The following DMD variants were observed in gnomAD, a reference collection of about 807,000 sequenced individuals.
The protein encoded by DMD is dystrophin.
DMD carries 63 observed loss-of-function variants against 330.1 expected under a neutral mutation model. The observed-to-expected ratio is 0.19, with a 90% CI of 0.16 to 0.24. The LOEUF (loss-of-function observed/expected upper bound fraction) is 0.24. Ranked by LOEUF, DMD falls within the 10% of genes least tolerant of loss-of-function variation. The pLI is 1.00. For missense variants in DMD, 3,344 were observed against 2,684.1 expected (o/e 1.25, Z -5.43); for synonymous variants, 1,223 against 959.8 (o/e 1.27, Z -5.07).
At chrX:31,563,838 T>A (rs955691439) in intron 55 of DMD, among the ~76,000 whole-genome samples, 1 of 112,127 alleles carries the variant, frequency 8.9e-6, no homozygotes, top group African/African-American at 3.2e-5. Context: ...TTCTTTGCTA[T>A]GGGTTGAATT....
At position 32,698,960 on chromosome X, in the gene DMD, G is replaced by GTC. The variant is rs10685376; in HGVS notation, c.831+150_831+151dup. ...AATGAAGCAAAATTGAAAAGGTTTA[G>GTC]TCTGTCTCTTTTTGTACATATACAT... On this transcript the variant is annotated intron_variant, in intron 8 of 78. Transcript: ENST00000357033. The GTC allele has an allele frequency of 0.063, 25,400 of 402,057 alleles. 4,116 individuals carry two copies. In the African/African-American group the frequency reaches 0.66, roughly 10 times the overall value. 33.1% of individuals were successfully genotyped at this position (402,057 alleles called of 1,213,427 possible). A position where few individuals can be genotyped will look rare whatever the true frequency, so the allele number is the denominator to read the frequency against.
chrX:32,783,973 C>G (rs2075126810), intron 7 of DMD, among the ~76,000 whole-genome samples: 1 of 92,502 alleles, frequency 1.1e-5, no homozygotes, highest in Non-Finnish European at 2.1e-5. Context: ...CTATTAATGT[C>G]AGTGCAGACA....
At chrX:32,864,450 C>T (rs759553538) in intron 2 of DMD, among the ~76,000 whole-genome samples, 3 of 112,288 alleles carry the variant, frequency 2.7e-5, no homozygotes, top group African/African-American at 6.5e-5. Flanking sequence ...GCCTTTACGT[C>T]ATCTTTTCTA....
At chrX:32,828,698 G>A (rs976064338) in intron 4 of DMD, among the ~76,000 whole-genome samples, 3 of 107,207 alleles carry the variant, frequency 2.8e-5, no homozygotes, top group Non-Finnish European at 5.7e-5. Context: ...TGTAATTTTA[G>A]TAGGTGTTTC....
chrX:32,031,419 A>C (rs781066397), intron 44 of DMD, among the ~76,000 whole-genome samples: 1 of 111,166 alleles, frequency 9.0e-6, no homozygotes, highest in South Asian at 3.8e-4. Flanking sequence ...TATATGCTTT[A>C]TTCCTAGAGC....
rs72466573 is a variant in DMD at position 31,496,563 on chromosome X, T to A, written c.8547+225A>T. Among the ~76,000 whole-genome samples, 216 of 112,206 alleles carry A rather than the reference T, an allele frequency of 1.9e-3. 2 individuals are homozygous for A. In the East Asian group the frequency reaches 0.058, roughly 30 times the overall value. The stretch of plus-strand genomic sequence containing the variant: ...TATTTTTCATCATGAAAAGCTTTTT[T>A]TTATATAGCCAAAAGAGATGGACGA... On this transcript the variant is annotated intron_variant, in intron 57 of 78. Coordinates refer to ENST00000357033, the MANE Select transcript of DMD (RefSeq NM_004006.3).
At chrX:31,713,676 C>G (rs1410226040) in intron 52 of DMD, among the ~76,000 whole-genome samples, 5 of 111,273 alleles carry the variant, frequency 4.5e-5, no homozygotes, top group African/African-American at 1.6e-4. Context: ...TATATTACTC[C>G]TATGACACAT....
chrX:32,497,557 C>G (rs1214656434), intron 19 of DMD, among the ~76,000 whole-genome samples: 1 of 111,681 alleles, frequency 9.0e-6, no homozygotes, highest in African/African-American at 3.2e-5. Flanking sequence ...CTGAGCTACG[C>G]CTACATATGT....
intron 1 of DMD, among the ~76,000 whole-genome samples, chrX:33,054,273 A>T (rs1395197459): frequency 8.9e-6 from 1 of 112,136 alleles, no homozygotes; most frequent in Non-Finnish European, 1.9e-5. Flanking sequence ...TCTATAAATT[A>T]TGTCTCTATA....
chrX:32,628,725 T>G (rs1221930978), intron 11 of DMD, among the ~76,000 whole-genome samples: 1 of 111,075 alleles, frequency 9.0e-6, no homozygotes, highest in East Asian at 2.8e-4. Flanking sequence ...GTTTCCTTTT[T>G]CATTCGTTTC....
At chrX:32,019,637 T>A (rs936128179) in intron 44 of DMD, among the ~76,000 whole-genome samples, 5 of 112,108 alleles carry the variant, frequency 4.5e-5, no homozygotes, top group African/African-American at 1.6e-4. Context: ...CGTAAAATAA[T>A]TATCTTATTT....
chrX:32,715,438 C>A (rs1187479290), intron 7 of DMD, among the ~76,000 whole-genome samples: 2 of 88,657 alleles, frequency 2.3e-5, no homozygotes, highest in East Asian at 6.9e-4. Flanking sequence ...GATTGTGCCA[C>A]TGCACATCAG....
intron 41 of DMD, among the ~76,000 whole-genome samples, chrX:32,337,845 A>C (rs2097722992): frequency 9.0e-6 from 1 of 111,275 alleles, no homozygotes; most frequent in Non-Finnish European, 1.9e-5. Context: ...GGCACTGACC[A>C]AATTTTAGGA....
At chrX:32,484,671 C>T (rs1442152442) in intron 21 of DMD, among the ~76,000 whole-genome samples, 1 of 111,941 alleles carries the variant, frequency 8.9e-6, no homozygotes, top group East Asian at 2.8e-4. Context: ...AATCTACAAT[C>T]CCCCAAGGAG....
rs916640909 is a variant in DMD at position 31,558,725 on chromosome X, C to A, written c.8218-51272G>T. ...CATTATTATTACTGTGATAGAAAGACCTCTCTTCTGCAAGCCAAATTATCT... is the reference window on the plus strand; with the variant it reads ...CATTATTATTACTGTGATAGAAAGAACTCTCTTCTGCAAGCCAAATTATCT... On this transcript the variant is annotated intron_variant, in intron 55 of 78. Transcript: ENST00000357033. Among the ~76,000 whole-genome samples the A allele has an allele frequency of 2.7e-5, 3 of 110,790 alleles. No individual in the cohort carries two copies. In the East Asian group the frequency reaches 8.5e-4, roughly 31 times the overall value.
intron 44 of DMD, among the ~76,000 whole-genome samples, chrX:32,154,431 T>TACGAACTAAA (rs2096820963): frequency 8.9e-6 from 1 of 112,380 alleles, no homozygotes; most frequent in Non-Finnish European, 1.9e-5. Context: ...AGATATACGA[T>TACGAACTAAA]GACATAGTAT....
At chrX:31,963,945 C>T (rs967037995) in intron 45 of DMD, among the ~76,000 whole-genome samples, 1 of 108,273 alleles carries the variant, frequency 9.2e-6, no homozygotes, top group Non-Finnish European at 1.9e-5. Context: ...TTATTAATTG[C>T]GAAGAAAAAA....
At chrX:32,959,002 GT>G (rs35837105) in intron 2 of DMD, among the ~76,000 whole-genome samples, 7,555 of 110,573 alleles carry the variant, frequency 0.068, 270 homozygotes, top group East Asian at 0.22. Context: ...ATGTCTAAAG[GT>G]AATACATTTA....
Position 32,545,248 on chromosome X carries a change from C to A in DMD, c.2079G>T (p.Gln693His), listed in dbSNP as rs761441684. Residue 693 changes from glutamine to histidine, a missense_variant, in exon 17 of 79, where the codon CAG becomes CAT. Gln to His is a conservative substitution (Grantham distance 24). Transcript: ENST00000357033. The stretch of plus-strand genomic sequence containing the variant: ...CCTCTTGAGCATGCTTTACCAGGAT[C>A]TGTTCCCTTGTGGTCACCGTAGTTA... The part of the protein sequence containing the change: ...ETVTTVTTRE[Q>H]ILVKHAQEEL... 8.3e-6 allele frequency: 10 copies of A among 1,208,817 alleles called. No homozygotes were observed. The East Asian group carries it at 1.5e-4, about 18-fold the overall frequency.
Sources: gnomAD v4.1 joint callset for allele counts (sites outside exome capture counted in the v4.1 genomes callset) on GRCh38, gnomAD v4.1.1 for gene constraint, MANE v1.5 for transcripts, NCBI Gene and HGNC (gene_info 2026-07-23, HGNC 2026-07-21) for gene names.